Variants in PTPRG observed in about 807,000 individuals in gnomAD.
PTPRG encodes the protein protein tyrosine phosphatase receptor type G, also known as receptor-type tyrosine-protein phosphatase gamma.
Under a neutral mutation model 165.3 loss-of-function variants are expected in PTPRG, and 102 were observed. The ratio of observed to expected loss-of-function variants is 0.62; its 90% CI spans 0.53 to 0.73. PTPRG has a LOEUF of 0.73. Among genes scored for constraint, PTPRG ranks in the 30% least tolerant of loss-of-function variants. PTPRG has a pLI of 0.00. For missense variants in PTPRG, 1,866 were observed against 1,861.4 expected, an observed-to-expected ratio of 1.00 and a Z score of -0.05; for synonymous variants, 675 against 669.5, an observed-to-expected ratio of 1.01 and a Z score of -0.13.
At chr3:62,186,131 A>T (rs1202921886) in intron 8 of PTPRG, among the ~76,000 whole-genome samples, 1 of 152,148 alleles carries the variant, frequency 6.6e-6, no homozygotes, top group Non-Finnish European at 1.5e-5. Context: ...TCGTTGCCCC[A>T]GTCGCCAAGC....
intron 1 of PTPRG, among the ~76,000 whole-genome samples, chr3:61,691,218 C>T (rs1451264727): frequency 1.3e-5 from 2 of 151,990 alleles, no homozygotes; most frequent in African/African-American, 4.8e-5. Context: ...TTTGAGACCA[C>T]CCTGGGCAAC....
chr3:61,947,199 T>C (rs1303198926), intron 2 of PTPRG, among the ~76,000 whole-genome samples: 1 of 152,232 alleles, frequency 6.6e-6, no homozygotes, highest in Non-Finnish European at 1.5e-5. Flanking sequence ...CATAAGGAGA[T>C]AAACTAAGTG....
intron 1 of PTPRG, among the ~76,000 whole-genome samples, chr3:61,702,594 G>C (rs544593377): frequency 6.6e-6 from 1 of 152,196 alleles, no homozygotes. Flanking sequence ...GTTTCTATAG[G>C]TGTGTTACTG....
At chr3:61,628,020 T>C (rs945532090) in intron 1 of PTPRG, among the ~76,000 whole-genome samples, 2 of 152,170 alleles carry the variant, frequency 1.3e-5, no homozygotes, top group Non-Finnish European at 2.9e-5. Flanking sequence ...CTTTAGAACT[T>C]AAGTTTAGAT....
intron 9 of PTPRG, 83 bp from the exon 10 acceptor site, chr3:62,194,979 C>A (rs963036241): frequency 7.7e-7 from 1 of 1,296,568 alleles, no homozygotes; most frequent in Non-Finnish European, 1.1e-6. Context: ...GGCATTGTCA[C>A]GGCACTCAGG....
intron 3 of PTPRG, among the ~76,000 whole-genome samples, chr3:61,998,427 C>G (rs1173879963): frequency 6.6e-6 from 1 of 152,178 alleles, no homozygotes; most frequent in Non-Finnish European, 1.5e-5. Flanking sequence ...CGTATATCAG[C>G]CCTTGTGAAC....
At chr3:61,622,185 C>T (rs1701477559) in intron 1 of PTPRG, among the ~76,000 whole-genome samples, 2 of 152,102 alleles carry the variant, frequency 1.3e-5, no homozygotes, top group African/African-American at 2.4e-5. Flanking sequence ...TTCTTGCCTC[C>T]CTCTCCAACA....
Position 61,952,119 on chromosome 3 carries a change from A to G in PTPRG, c.191-37506A>G, listed in dbSNP as rs556690587. Among the ~76,000 whole-genome samples the G allele has an allele frequency of 8.7e-4, 12 of 13,868 alleles. No individual in the cohort carries two copies. The South Asian group carries it at 8.8e-3, about 10-fold the overall frequency. 9.1% of individuals were successfully genotyped at this position (13,868 alleles called of 152,430 possible). On this transcript the variant is annotated intron_variant, in intron 2 of 29. Coordinates refer to ENST00000474889, the MANE Select transcript of PTPRG (RefSeq NM_002841.4). ...GCGACAGATCGACACTCCACCTCAG[A>G]AAAAAAAAAAAAAAAAAAAAAAGAC... is the stretch of plus-strand genomic sequence containing the variant.
intron 1 of PTPRG, among the ~76,000 whole-genome samples, chr3:61,563,929 C>T (rs1699838763): frequency 6.6e-6 from 1 of 152,080 alleles, no homozygotes; most frequent in African/African-American, 2.4e-5. Flanking sequence ...TGCGCATCCT[C>T]CTGCCCGCGG....
intron 4 of PTPRG, among the ~76,000 whole-genome samples, chr3:62,039,415 G>GA (rs145501611): frequency 2.6e-5 from 4 of 151,934 alleles, no homozygotes; most frequent in East Asian, 1.9e-4. Flanking sequence ...GCAACAGGGG[G>GA]AAAAAATATC....
intron 4 of PTPRG, among the ~76,000 whole-genome samples, chr3:62,072,613 G>GTGTGTGTGTGTGTT (rs1157803144): frequency 3.5e-5 from 5 of 141,430 alleles, no homozygotes; most frequent in African/African-American, 1.4e-4. Flanking sequence ...ATATATATGT[G>GTGTGTGTGTGTGTT]TATGTGTGTG....
intron 14 of PTPRG, among the ~76,000 whole-genome samples, chr3:62,242,438 C>G (rs940628306): frequency 1.3e-5 from 2 of 152,182 alleles, no homozygotes; most frequent in African/African-American, 2.4e-5. Flanking sequence ...GAGCAGCAGT[C>G]TAGATTGATT....
intron 2 of PTPRG, among the ~76,000 whole-genome samples, chr3:61,763,601 C>A (rs569005293): frequency 1.3e-5 from 2 of 150,472 alleles, no homozygotes; most frequent in South Asian, 4.2e-4. Context: ...GAACTCCTGA[C>A]CTCAGGTGAT....
rs545627559 is a variant in PTPRG at position 61,892,497 on chromosome 3, G to A, written c.191-97128G>A. Among the ~76,000 whole-genome samples the A allele has an allele frequency of 5.9e-5, 9 of 152,312 alleles. No homozygotes were observed. In the South Asian group the frequency reaches 1.9e-3, roughly 32 times the overall value. ...CCCAAAGCGCTGGGATTACAGGCAT[G>A]AGCCACCATGTGATTTCAATGCTGA... On this transcript the variant is annotated intron_variant, in intron 2 of 29. Coordinates refer to ENST00000474889, the MANE Select transcript of PTPRG (RefSeq NM_002841.4).
At chr3:61,982,041 G>T (rs1363393543) in intron 2 of PTPRG, among the ~76,000 whole-genome samples, 1 of 152,044 alleles carries the variant, frequency 6.6e-6, no homozygotes, top group Middle Eastern at 3.2e-3. Context: ...AGTGCTCTTT[G>T]TACTCTGTTG....
chr3:61,890,354 G>T (rs1174677079), intron 2 of PTPRG, among the ~76,000 whole-genome samples: 1 of 150,240 alleles, frequency 6.7e-6, no homozygotes, highest in Admixed American at 6.6e-5. Context: ...GCACTTTGCT[G>T]TGCAAGGCGA....
chr3:62,154,676 T>C (rs1406300646), intron 6 of PTPRG, among the ~76,000 whole-genome samples: 1 of 152,048 alleles, frequency 6.6e-6, no homozygotes, highest in Non-Finnish European at 1.5e-5. Context: ...TTTGCCGGGG[T>C]TGTCTTGTCA....
intron 2 of PTPRG, among the ~76,000 whole-genome samples, chr3:61,958,791 C>T (rs1325793766): frequency 1.3e-5 from 2 of 152,140 alleles, no homozygotes; most frequent in Non-Finnish European, 2.9e-5. Context: ...ATTTTTCTAA[C>T]CTAATGCCCT....
At chr3:62,152,588 A>G (rs1386590393) in intron 6 of PTPRG, among the ~76,000 whole-genome samples, 1 of 152,220 alleles carries the variant, frequency 6.6e-6, no homozygotes, top group Non-Finnish European at 1.5e-5. Flanking sequence ...CCCATTTATC[A>G]GTAGAGCACT....
Sources: allele counts gnomAD v4.1 joint callset (sites outside exome capture counted in the v4.1 genomes callset), GRCh38; gene constraint gnomAD v4.1.1; transcripts MANE v1.5; gene names NCBI Gene and HGNC (gene_info 2026-07-23, HGNC 2026-07-21).